PHLPP2: variants seen among roughly 807,000 people sequenced by gnomAD.
PHLPP2 encodes the protein PH domain and leucine rich repeat protein phosphatase 2, also known as PH domain leucine-rich repeat-containing protein phosphatase 2.
A neutral mutation model predicts 124.9 loss-of-function variants in PHLPP2; 66 were observed. That is an observed-to-expected ratio of 0.53 (90% CI 0.43 to 0.65). The LOEUF (loss-of-function observed/expected upper bound fraction) is 0.65. Among genes scored for constraint, PHLPP2 ranks in the 30% least tolerant of loss-of-function variants. The pLI is 0.00. For synonymous variants in PHLPP2, 681 were observed against 624.7 expected, an observed-to-expected ratio of 1.09 and a Z score of -1.34; for missense variants, 1,685 against 1,600.4, an observed-to-expected ratio of 1.05 and a Z score of -0.90.
intron 4 of PHLPP2, among the ~76,000 whole-genome samples, chr16:71,688,515 T>C (rs2045074969): frequency 6.6e-6 from 1 of 152,188 alleles, no homozygotes; most frequent in Non-Finnish European, 1.5e-5. Context: ...TTTCAAGACG[T>C]TTGCTCATTT....
chr16:71,670,972 A>T (rs2044887688), intron 10 of PHLPP2, among the ~76,000 whole-genome samples: 3 of 152,088 alleles, frequency 2.0e-5, no homozygotes, highest in Non-Finnish European at 4.4e-5. Context: ...AGCATGGAGG[A>T]GACTGGGGAG....
chr16:71,659,020 C>T (rs891809677), intron 13 of PHLPP2, among the ~76,000 whole-genome samples: 24 of 152,072 alleles, frequency 1.6e-4, no homozygotes, highest in African/African-American at 5.8e-4. Context: ...GCCTGATCTG[C>T]CTCAGTGTGT....
intron 2 of PHLPP2, among the ~76,000 whole-genome samples, chr16:71,705,616 A>G (rs2045268048): frequency 6.6e-6 from 1 of 152,102 alleles, no homozygotes; most frequent in Non-Finnish European, 1.5e-5. Context: ...GGTTCAAGCA[A>G]TTCTTCTGCC....
chr16:71,711,286 G>A (rs1012693997), intron 2 of PHLPP2, among the ~76,000 whole-genome samples: 4 of 150,844 alleles, frequency 2.7e-5, no homozygotes, highest in Admixed American at 6.6e-5. Context: ...AGCCGAGATC[G>A]CACCACTGCA....
At chr16:71,669,493 G>C in intron 10 of PHLPP2, 123 bp from the exon 11 acceptor site, 1 of 659,466 alleles carries the variant, frequency 1.5e-6, no homozygotes, top group Non-Finnish European at 2.7e-6. Context: ...TGTCTCCAAG[G>C]CATCCCTTGG....
Position 71,655,434 on chromosome 16 carries a change from C to G in PHLPP2, c.2391G>C (p.Lys797Asn). The G allele has an allele frequency of 6.2e-7, 1 of 1,603,612 alleles. No homozygotes were observed. The highest frequency in any genetic ancestry group is 8.5e-7 in the Non-Finnish European group (1 of 1,172,326). Residue 797 changes from lysine (K) to asparagine (N), a missense_variant and splice_region_variant, in exon 17 of 19, where the codon AAG becomes AAC. Coordinates refer to ENST00000568954, the MANE Select transcript of PHLPP2 (RefSeq NM_015020.3). ...CCATAGCAAGTGCTGAGACACACAG[C>G]CTATAATAGAAACATGAAAACAGAA... is the stretch of plus-strand genomic sequence containing the variant. Reference protein sequence around the residue: ...GLAEMAGQRNKLCVSALAMDS... With the variant: ...GLAEMAGQRNNLCVSALAMDS...
chr16:71,650,109 G>C, intron 18 of PHLPP2, 65 bp from the exon 19 acceptor site: 3 of 1,235,264 alleles, frequency 2.4e-6, no homozygotes, highest in Non-Finnish European at 3.4e-6. Flanking sequence ...TATCTTTCTA[G>C]ATCACAGTGC....
chr16:71,649,494 G>C lies in PHLPP2; in HGVS notation c.3368C>G (p.Thr1123Arg). Reference protein sequence around the residue: ...RPERRCSLHPTPTSGLFQRQP... With the variant: ...RPERRCSLHPRPTSGLFQRQP... ...GCGCTGAAACAGCCCAGAGGTGGGT[G>C]TTGGGTGGAGGCTGCAGCGCCGCTC... The change falls in exon 19 of 19, where the codon ACA becomes AGA. Residue 1123 changes from threonine to arginine, a missense_variant. Transcript: ENST00000568954. The C allele has an allele frequency of 6.2e-7, 1 of 1,614,174 alleles. No homozygotes were observed. Among genetic ancestry groups the C allele is most frequent in the Non-Finnish European group, 8.5e-7 (1 of 1,180,026 alleles).
intron 3 of PHLPP2, among the ~76,000 whole-genome samples, chr16:71,700,948 T>C (rs555846696): frequency 1.6e-4 from 25 of 152,272 alleles, no homozygotes; most frequent in African/African-American, 5.5e-4. Flanking sequence ...GTCTCATCAC[T>C]GGGGAAACTA....
rs541285340 is a variant in PHLPP2, at chr16:71,658,495, T to G, written c.2149-132A>C. On this transcript the variant is annotated intron_variant, in intron 14 of 18. Transcript: ENST00000568954. ...TCCCAGGAATCCATTACATAAATTC[T>G]GGTCCCAAACTGGAGCACATAAGAA... 2.5e-4 allele frequency: 295 copies of G among 1,191,556 alleles called. 3 individuals are homozygous for G. In the South Asian group the frequency reaches 4.4e-3, roughly 18 times the overall value. The allele number at this position is 1,191,556 out of a possible 1,614,324, so 73.8% of individuals were successfully genotyped here.
chr16:71,678,533 G>A (rs373772561), intron 8 of PHLPP2: 10 of 494,224 alleles, frequency 2.0e-5, no homozygotes, highest in African/African-American at 7.8e-5. Context: ...CCAACTACTC[G>A]GGAGGCTGAG....
At chr16:71,689,320 T>G (rs1159312740) in intron 4 of PHLPP2, among the ~76,000 whole-genome samples, 1 of 148,478 alleles carries the variant, frequency 6.7e-6, no homozygotes, top group East Asian at 2.0e-4. Context: ...GCTCAAGCCA[T>G]CCTCCTCCCA....
intron 1 of PHLPP2, among the ~76,000 whole-genome samples, chr16:71,720,361 A>G (rs996672567): frequency 1.3e-5 from 2 of 151,916 alleles, no homozygotes; most frequent in South Asian, 4.2e-4. Flanking sequence ...CAAATGATCC[A>G]CCCGCCTCGG....
intron 2 of PHLPP2, among the ~76,000 whole-genome samples, chr16:71,712,184 G>A (rs2045328650): frequency 6.6e-6 from 1 of 152,238 alleles, no homozygotes; most frequent in South Asian, 2.1e-4. Context: ...AATGTTAGCT[G>A]AAATCTACCA....
At chr16:71,722,301 G>A (rs112809850) in intron 1 of PHLPP2, among the ~76,000 whole-genome samples, 179 of 152,230 alleles carry the variant, frequency 1.2e-3, no homozygotes, top group African/African-American at 4.1e-3. Flanking sequence ...GGGTGTGGTG[G>A]CGGGTGCCCG....
intron 17 of PHLPP2, among the ~76,000 whole-genome samples, chr16:71,654,193 G>C (rs1224553022): frequency 9.6e-6 from 1 of 103,878 alleles, no homozygotes; most frequent in Non-Finnish European, 1.8e-5. Context: ...AGAAGACTCC[G>C]TCTCAAAAAA....
intron 11 of PHLPP2, 99 bp from the exon 12 acceptor site, chr16:71,667,432 GA>G: frequency 1.1e-6 from 1 of 912,138 alleles, no homozygotes; most frequent in African/African-American, 1.7e-5. Context: ...TTAACTTATA[GA>G]AACATATTCT....
intron 9 of PHLPP2, among the ~76,000 whole-genome samples, chr16:71,673,672 C>G (rs1430676103): frequency 6.6e-6 from 1 of 152,008 alleles, no homozygotes; most frequent in African/African-American, 2.4e-5. Flanking sequence ...TTTCATTTAT[C>G]TGTACATACT....
In PHLPP2 at chr16:71,652,907, C is replaced by T. The variant is rs780474617; in HGVS notation, c.2700G>A (p.Thr900=). 13 of 1,613,932 alleles carry T rather than the reference C, an allele frequency of 8.1e-6. No homozygotes were observed. The highest frequency in any genetic ancestry group is 6.7e-5 in the Admixed American group (4 of 60,002). The change falls in exon 18 of 19, where the codon ACG becomes ACA. Residue 900 remains threonine, a synonymous_variant. Transcript: ENST00000568954. ...SFSLTVANVG[T]CQAVLCRGGK... Reference sequence around the variant, plus strand: ...CACCTCGGCACAGGACTGCTTGGCACGTGCCAACATTGGCTACAGTCAAGC... The same window carrying T: ...CACCTCGGCACAGGACTGCTTGGCATGTGCCAACATTGGCTACAGTCAAGC...
Sources: allele counts gnomAD v4.1 joint callset (sites outside exome capture counted in the v4.1 genomes callset), GRCh38; gene constraint gnomAD v4.1.1; transcripts MANE v1.5; gene names NCBI Gene and HGNC (gene_info 2026-07-23, HGNC 2026-07-21).